SLC30A9: variants seen among roughly 807,000 people sequenced by gnomAD.
SLC30A9 encodes proton-coupled zinc antiporter SLC30A9, mitochondrial.
A neutral mutation model predicts 87.5 loss-of-function variants in SLC30A9; 58 were observed. That is an observed-to-expected ratio of 0.66 (90% CI 0.54 to 0.82). The LOEUF is 0.82. SLC30A9 is among the 40% of genes least tolerant of loss of function. The pLI is 0.00. For synonymous variants in SLC30A9, 234 were observed against 233.0 expected (o/e 1.00, Z -0.04); for missense variants, 557 against 679.1 (o/e 0.82, Z 2.00).
intron 9 of SLC30A9, among the ~76,000 whole-genome samples, chr4:42,054,219 G>T (rs186319450): frequency 2.6e-5 from 4 of 151,998 alleles, no homozygotes; most frequent in Admixed American, 2.6e-4. Context: ...TTAGCTGAGC[G>T]TGGTGGTACA....
intron 10 of SLC30A9, among the ~76,000 whole-genome samples, chr4:42,060,781 A>G (rs995566427): frequency 5.3e-5 from 8 of 152,130 alleles, no homozygotes; most frequent in African/African-American, 1.9e-4. Context: ...TATTAACATA[A>G]CCATCTAACA....
At chr4:42,056,401 G>T (rs1204776965) in intron 9 of SLC30A9, among the ~76,000 whole-genome samples, 3 of 152,242 alleles carry the variant, frequency 2.0e-5, no homozygotes, top group African/African-American at 4.8e-5. Flanking sequence ...AAGGTGAAAG[G>T]CATGTCTCAC....
At chr4:42,035,483 T>C (rs1397882799) in intron 7 of SLC30A9, 150 bp downstream of exon 7, 3 of 917,536 alleles carry the variant, frequency 3.3e-6, no homozygotes, top group Non-Finnish European at 4.6e-6. Flanking sequence ...AATTCATTCA[T>C]TTCCGTCTGA....
intron 8 of SLC30A9, among the ~76,000 whole-genome samples, chr4:42,040,816 A>T (rs1379321959): frequency 6.7e-6 from 1 of 149,246 alleles, no homozygotes; most frequent in Non-Finnish European, 1.5e-5. Flanking sequence ...AAAAAGAAAA[A>T]GAAAAAGGTG....
At chr4:42,079,262 C>T (rs1481667721) in intron 17 of SLC30A9, among the ~76,000 whole-genome samples, 1 of 151,338 alleles carries the variant, frequency 6.6e-6, no homozygotes, top group Non-Finnish European at 1.5e-5. Flanking sequence ...TTATCATTTA[C>T]TTTTAAAAAC....
In SLC30A9 at chr4:41,990,583, G is replaced by C; in HGVS notation, c.-69G>C. The stretch of plus-strand genomic sequence containing the variant: ...TGTTCGCTGATGTCCAGTCTATGGA[G>C]TCAGTTGGTACCGGTGGCGGCGCGG... On this transcript the variant is annotated 5_prime_UTR_variant, in exon 1 of 18. Coordinates refer to ENST00000264451, the MANE Select transcript of SLC30A9 (RefSeq NM_006345.4). 1 of 909,998 alleles carries C rather than the reference G, an allele frequency of 1.1e-6. No individual in the cohort carries two copies. The highest frequency in any genetic ancestry group is 2.6e-5 in the East Asian group (1 of 38,448). 56.4% of individuals were successfully genotyped at this position (909,998 alleles called of 1,614,324 possible).
At chr4:42,054,680 C>T (rs373484054) in intron 9 of SLC30A9, among the ~76,000 whole-genome samples, 3 of 151,618 alleles carry the variant, frequency 2.0e-5, no homozygotes, top group South Asian at 2.1e-4. Flanking sequence ...TTAGTAGAGA[C>T]GGGGTTTCAC....
intron 1 of SLC30A9, among the ~76,000 whole-genome samples, chr4:41,999,565 C>A (rs1714888461): frequency 6.6e-6 from 1 of 151,798 alleles, no homozygotes; most frequent in Non-Finnish European, 1.5e-5. Flanking sequence ...ATAGAACATA[C>A]AGAAGAATGG....
intron 6 of SLC30A9, 114 bp downstream of exon 6, chr4:42,023,498 C>G (rs1377083960): frequency 3.3e-6 from 2 of 608,894 alleles, no homozygotes; most frequent in Admixed American, 5.9e-5. Context: ...TCTGTTGCTT[C>G]CAGCAAATGC....
At chr4:42,058,740 A>G (rs1278461969) in intron 9 of SLC30A9, among the ~76,000 whole-genome samples, 2 of 152,200 alleles carry the variant, frequency 1.3e-5, no homozygotes, top group South Asian at 4.1e-4. Flanking sequence ...CCTTTTTAAA[A>G]CAATCAGATC....
rs905716005 is a variant in SLC30A9 at position 42,029,514 on chromosome 4, A to G, written c.611-5761A>G. On this transcript the variant is annotated intron_variant, in intron 6 of 17. Coordinates refer to ENST00000264451, the MANE Select transcript of SLC30A9 (RefSeq NM_006345.4). ...CTAATGATCCCAAGCACTGTGAGGC[A>G]TATGTGCTGAACGTAGTTAGGTTCC... The G allele has an allele frequency of 1.2e-5, 8 of 677,500 alleles. No homozygotes were observed. The African/African-American group carries it at 1.3e-4, about 11-fold the overall frequency. 42.0% of individuals were successfully genotyped at this position (677,500 alleles called of 1,614,324 possible). A position where few individuals can be genotyped will look rare whatever the true frequency, so the allele number is the denominator to read the frequency against.
intron 8 of SLC30A9, among the ~76,000 whole-genome samples, chr4:42,048,248 G>A (rs1301804660): frequency 6.6e-6 from 1 of 151,936 alleles, no homozygotes; most frequent in African/African-American, 2.4e-5. Context: ...AATAAACATT[G>A]TTTAAAAAAA....
chr4:42,035,151 C>T lies in SLC30A9; in HGVS notation c.611-124C>T. ...GTTTACAAATCCAAATTTTTTATAA[C>T]TTAATATTTTTGCTGTTAGCTAGTA... On this transcript the variant is annotated intron_variant, in intron 6 of 17. Coordinates refer to ENST00000264451, the MANE Select transcript of SLC30A9 (RefSeq NM_006345.4). 3 of 918,036 alleles carry T rather than the reference C, an allele frequency of 3.3e-6. No individual in the cohort carries two copies. The South Asian group carries it at 5.0e-5, about 15-fold the overall frequency. 56.9% of individuals were successfully genotyped at this position (918,036 alleles called of 1,614,324 possible).
In SLC30A9 at chr4:42,060,174, TTTC is replaced by T. The variant is rs748274680; in HGVS notation, c.841-7_841-5del. On this transcript the variant is annotated splice_polypyrimidine_tract_variant and intron_variant, in intron 9 of 17. Transcript: ENST00000264451. ...TCTTGCTAATGATTATTCACCTTTT[TTTC>T]TTCTTCTTCATAGGGTTTACTAGCA... The T allele has an allele frequency of 1.0e-4, 162 of 1,601,400 alleles. 5 individuals carry two copies. In the South Asian group the frequency reaches 1.6e-3, roughly 16 times the overall value.
intron 8 of SLC30A9, among the ~76,000 whole-genome samples, chr4:42,039,860 T>G (rs1472567710): frequency 6.6e-6 from 1 of 151,872 alleles, no homozygotes; most frequent in Non-Finnish European, 1.5e-5. Flanking sequence ...ATGAAATCAT[T>G]CAATAATTCA....
Position 42,041,233 on chromosome 4 carries a change from G to T in SLC30A9, c.737+2180G>T, listed in dbSNP as rs538858662. 2.0e-4 allele frequency among the ~76,000 whole-genome samples: 31 copies of T among 152,226 alleles called. 1 individual carries two copies. The South Asian group carries it at 4.8e-3, about 23-fold the overall frequency. ...GGAGCTACAAGATGAGATTTTGTGG[G>T]AGACACAGAGCCAAACCATATCAAG... On this transcript the variant is annotated intron_variant, in intron 8 of 17. Transcript: ENST00000264451.
At position 42,086,406 on chromosome 4, in the gene SLC30A9, C is replaced by T. The variant is rs148230631; in HGVS notation, c.*280C>T. 4.4e-3 allele frequency: 1,219 copies of T among 279,904 alleles called. 4 individuals carry two copies. Among genetic ancestry groups the T allele is most frequent in the Non-Finnish European group, 6.4e-3 (961 of 151,118 alleles). 17.3% of individuals were successfully genotyped at this position (279,904 alleles called of 1,614,324 possible). A position where few individuals can be genotyped will look rare whatever the true frequency, so the allele number is the denominator to read the frequency against. On this transcript the variant is annotated 3_prime_UTR_variant, in exon 18 of 18. Coordinates refer to ENST00000264451, the MANE Select transcript of SLC30A9 (RefSeq NM_006345.4). Reference sequence around the variant, plus strand: ...GGTTATTTAAATTGTTCATAATGTCCCATATTTCACCTGTTCAGTGTATAC... The same window carrying T: ...GGTTATTTAAATTGTTCATAATGTCTCATATTTCACCTGTTCAGTGTATAC...
In SLC30A9 at chr4:42,084,503, C is replaced by T. The variant is rs565775175; in HGVS notation, c.1663-1579C>T. 1.5e-4 allele frequency among the ~76,000 whole-genome samples: 22 copies of T among 151,310 alleles called. No homozygotes were observed. In the South Asian group the frequency reaches 3.8e-3, roughly 26 times the overall value. ...TTTTTATTTTTTTGAGATGGAGTCC[C>T]GCTCTGTCGCCAGGCTGGAGTGCAG... is the stretch of plus-strand genomic sequence containing the variant. On this transcript the variant is annotated intron_variant, in intron 17 of 17. Coordinates refer to ENST00000264451, the MANE Select transcript of SLC30A9 (RefSeq NM_006345.4).
chr4:42,083,878 G>A (rs1037941055), intron 17 of SLC30A9, among the ~76,000 whole-genome samples: 12 of 152,018 alleles, frequency 7.9e-5, no homozygotes, highest in Non-Finnish European at 1.5e-4. Flanking sequence ...AAAGGTCCCT[G>A]GTCATTCCCA....
Sources: gnomAD v4.1 joint callset for allele counts (sites outside exome capture counted in the v4.1 genomes callset) on GRCh38, gnomAD v4.1.1 for gene constraint, MANE v1.5 for transcripts, NCBI Gene and HGNC (gene_info 2026-07-23, HGNC 2026-07-21) for gene names.